Variants in C11orf65 observed in about 807,000 individuals in gnomAD.
The protein encoded by C11orf65 is protein MFI.
In C11orf65, 38 loss-of-function variants were observed where a neutral mutation model predicts 35.3. The observed-to-expected ratio is 1.08, with a 90% confidence interval of 0.83 to 1.41. The LOEUF is 1.41. C11orf65 is among the 40% of genes most tolerant of loss of function. The probability of loss-of-function intolerance (pLI) is 0.00; values close to 1 mark genes in which losing one functional copy is unlikely to be tolerated. For missense variants in C11orf65, 370 were observed against 367.1 expected (o/e 1.01, Z -0.06); for synonymous variants, 105 against 114.4 (o/e 0.92, Z 0.53).
intron 2 of C11orf65, chr11:108,366,247 C>G (rs1156910485): frequency 5.0e-6 from 1 of 200,326 alleles, no homozygotes; most frequent in African/African-American, 2.3e-5. Context: ...GTGATAACTT[C>G]ATAGATTGCC....
At chr11:108,450,055 G>C (rs953688371) in intron 2 of C11orf65, among the ~76,000 whole-genome samples, 1 of 152,036 alleles carries the variant, frequency 6.6e-6, no homozygotes, top group South Asian at 2.1e-4. Context: ...CTGGCTGTCA[G>C]AGAAATGCAA....
intron 3 of C11orf65, among the ~76,000 whole-genome samples, chr11:108,411,319 G>A (rs2092653054): frequency 6.6e-6 from 1 of 151,982 alleles, no homozygotes; most frequent in South Asian, 2.1e-4. Context: ...ATTCCACTGG[G>A]ACTAGAAAAC....
At chr11:108,383,615 G>A (rs571253452) in intron 8 of C11orf65, among the ~76,000 whole-genome samples, 40 of 152,290 alleles carry the variant, frequency 2.6e-4, no homozygotes, top group African/African-American at 9.1e-4. Flanking sequence ...AGGGAGAAAT[G>A]CCCTTTTCCT....
intron 2 of C11orf65, among the ~76,000 whole-genome samples, chr11:108,347,026 T>C (rs912227647): frequency 1.3e-5 from 2 of 152,192 alleles, no homozygotes; most frequent in Admixed American, 1.3e-4. Flanking sequence ...TATTTTAAAA[T>C]GTGTGCCTAT....
chr11:108,367,971 T>TATCA (rs1296546300), intron 2 of C11orf65: 3 of 204,854 alleles, frequency 1.5e-5, no homozygotes, highest in Non-Finnish European at 3.0e-5. Context: ...AATTAGAAAT[T>TATCA]ATCAACTAGA....
chr11:108,383,367 T>C (rs2091908421), intron 8 of C11orf65, among the ~76,000 whole-genome samples, 192 bp from the exon 9 acceptor site: 1 of 152,180 alleles, frequency 6.6e-6, no homozygotes, highest in Non-Finnish European at 1.5e-5. Context: ...TGTCCATCCC[T>C]ACAAAAGGCT....
intron 2 of C11orf65, chr11:108,355,456 A>G: frequency 6.4e-6 from 1 of 157,126 alleles, no homozygotes; most frequent in South Asian, 1.9e-4. Flanking sequence ...AGGGCAGAAA[A>G]AAGGAAGTCA....
chr11:108,357,046 A>T (rs996356441), intron 2 of C11orf65, among the ~76,000 whole-genome samples: 1 of 152,184 alleles, frequency 6.6e-6, no homozygotes, highest in African/African-American at 2.4e-5. Flanking sequence ...GGTTCATCTC[A>T]CTAGGGAGCG....
chr11:108,406,888 T>G lies in C11orf65; in HGVS notation c.304A>C (p.Arg102=). The G allele has an allele frequency of 1.2e-6, 2 of 1,612,850 alleles. No homozygotes were observed. Among genetic ancestry groups the G allele is most frequent in the Non-Finnish European group, 1.7e-6 (2 of 1,178,990 alleles). The change falls in exon 5 of 9, where the codon AGA becomes CGA. Residue 102 remains arginine, a synonymous_variant. Coordinates refer to ENST00000393084, the MANE Select transcript of C11orf65 (RefSeq NM_152587.5). ...PIEDLCANSP[R]NYAKLPAKHT... ...TTTGCTGGAAGTTTTGCATAATTTC[T>G]AGGGCTGTTAGCACAGAGATCTTCA...
intron 2 of C11orf65, among the ~76,000 whole-genome samples, chr11:108,442,266 A>C (rs940982582): frequency 1.3e-5 from 2 of 152,190 alleles, no homozygotes; most frequent in Non-Finnish European, 2.9e-5. Flanking sequence ...CCAGAAGAGA[A>C]GTTTAGAGAA....
chr11:108,455,636 T>A (rs983423793), intron 2 of C11orf65, among the ~76,000 whole-genome samples: 5 of 151,140 alleles, frequency 3.3e-5, no homozygotes, highest in Admixed American at 2.6e-4. Flanking sequence ...ACCAACATAG[T>A]GAAATCCCAT....
Position 108,372,919 on chromosome 11 carries a change from T to A in C11orf65, c.226+20289A>T, listed in dbSNP as rs539517625. 4.0e-3 allele frequency among the ~76,000 whole-genome samples: 589 copies of A among 148,500 alleles called. 14 individuals are homozygous for A. Among genetic ancestry groups the A allele is most frequent in the East Asian group, 1.4e-3 (7 of 5,090 alleles). On this transcript the variant is annotated intron_variant, in intron 2 of 3. Transcript: ENST00000524755. ...TGAAACCCCATCTCTACCAAAGATT[T>A]AAAAAAAAAAATTAGCTGGGTGTAG...
chr11:108,366,074 G>C (rs1234427651), intron 2 of C11orf65: 2 of 179,008 alleles, frequency 1.1e-5, no homozygotes, highest in African/African-American at 2.4e-5. Flanking sequence ...ATTTTTCCTA[G>C]TAAGATCACT....
rs758040952 is a variant in C11orf65 at position 108,406,817 on chromosome 11, A to G, written c.375T>C (p.His125=). ...NKNDHLQEED[H]SGWYHRIENN... ...TTTCTATACGATGATACCAGCCACT[A>G]TGATCCTCTTCCTGAAGATGATCAT... Residue 125 remains histidine (H), a synonymous_variant, in exon 5 of 9, where the codon CAT becomes CAC. Coordinates refer to ENST00000393084, the MANE Select transcript of C11orf65 (RefSeq NM_152587.5). 2.5e-6 allele frequency: 4 copies of G among 1,613,116 alleles called. No individual in the cohort carries two copies. Among genetic ancestry groups the G allele is most frequent in the Middle Eastern group, 1.7e-4 (1 of 5,926 alleles).
chr11:108,319,748 G>A (rs2085052490), intron 6 of C11orf65, among the ~76,000 whole-genome samples: 1 of 152,166 alleles, frequency 6.6e-6, no homozygotes, highest in African/African-American at 2.4e-5. Flanking sequence ...GAACCAGGCA[G>A]AGTATCTGAG....
At chr11:108,446,761 G>A (rs1348664382) in intron 2 of C11orf65, among the ~76,000 whole-genome samples, 2 of 152,100 alleles carry the variant, frequency 1.3e-5, no homozygotes, top group African/African-American at 2.4e-5. Context: ...CATAATGACA[G>A]GACCAAATTT....
chr11:108,327,156 C>T (rs1029650507), downstream of C11orf65, among the ~76,000 whole-genome samples: 1 of 152,088 alleles, frequency 6.6e-6, no homozygotes, highest in Non-Finnish European at 1.5e-5. Context: ...GTTGGGCACT[C>T]ATTGTATAGC....
Position 108,331,907 on chromosome 11 carries a change from C to A in C11orf65, c.300-340G>T, listed in dbSNP as rs864622368. 6.2e-7 allele frequency: 1 copy of A among 1,613,766 alleles called. No individual in the cohort carries two copies. Among genetic ancestry groups the A allele is most frequent in the Non-Finnish European group, 8.5e-7 (1 of 1,179,830 alleles). Reference sequence around the variant, plus strand: ...ATCTCTAGAATTTCAATGGATCACCCCCATCACACTTTGTTTATTATACTG... The same window carrying A: ...ATCTCTAGAATTTCAATGGATCACCACCATCACACTTTGTTTATTATACTG... On this transcript the variant is annotated intron_variant, in intron 3 of 3. Transcript: ENST00000524755.
chr11:108,372,901 C>T (rs605394), intron 2 of C11orf65, among the ~76,000 whole-genome samples: 50,797 of 151,710 alleles, frequency 0.33, 9,557 homozygotes, highest in East Asian at 0.55. Context: ...TGGTGAAACC[C>T]CATCTCTACC....
Sources: gnomAD v4.1 joint callset for allele counts (sites outside exome capture counted in the v4.1 genomes callset) on GRCh38, gnomAD v4.1.1 for gene constraint, MANE v1.5 for transcripts, NCBI Gene and HGNC (gene_info 2026-07-23, HGNC 2026-07-21) for gene names.